Variants in MARCHF1 observed in about 807,000 individuals in gnomAD.
The protein encoded by MARCHF1 is membrane associated ring-CH-type finger 1, also known as E3 ubiquitin-protein ligase MARCHF1.
In MARCHF1, 40 loss-of-function variants were observed where a neutral mutation model predicts 54.2. The observed-to-expected ratio is 0.74, with a 90% confidence interval of 0.57 to 0.96. MARCHF1 has a LOEUF of 0.96. MARCHF1 is among the 40% of genes least tolerant of loss of function. The pLI is 0.00. For missense variants in MARCHF1, 586 were observed against 656.5 expected (o/e 0.89, Z 1.17); for synonymous variants, 236 against 236.3 (o/e 1.00, Z 0.01).
In MARCHF1 at chr4:163,864,740, C is replaced by A. The variant is rs935152548; in HGVS notation, c.-38-10571G>T. ...ATTTTCAGGTCGGTGAAAACTACAT[C>A]TTATTTCAATATACAGTTCTAAGCC... On this transcript the variant is annotated intron_variant, in intron 3 of 9. Transcript: ENST00000514618. Among the ~76,000 whole-genome samples the A allele has an allele frequency of 2.0e-5, 3 of 151,820 alleles. No individual in the cohort carries two copies. In the East Asian group the frequency reaches 5.8e-4, roughly 29 times the overall value.
At chr4:164,284,844 G>A (rs780453513) in intron 1 of MARCHF1, among the ~76,000 whole-genome samples, 3 of 151,056 alleles carry the variant, frequency 2.0e-5, no homozygotes, top group Non-Finnish European at 4.4e-5. Flanking sequence ...GATACAACAT[G>A]AAAAAATTAG....
intron 2 of MARCHF1, among the ~76,000 whole-genome samples, chr4:164,098,474 A>G (rs1755463233): frequency 6.6e-6 from 1 of 152,198 alleles, no homozygotes; most frequent in South Asian, 2.1e-4. Context: ...TCAAGGAGAC[A>G]GTTTAATTCT....
chr4:163,943,844 A>T (rs1751968346), intron 3 of MARCHF1, among the ~76,000 whole-genome samples: 1 of 151,998 alleles, frequency 6.6e-6, no homozygotes, highest in Non-Finnish European at 1.5e-5. Context: ...GTGGCTACAA[A>T]CAAGATTCAC....
chr4:163,881,240 C>T (rs999812368), intron 3 of MARCHF1, among the ~76,000 whole-genome samples: 1 of 152,004 alleles, frequency 6.6e-6, no homozygotes, highest in African/African-American at 2.4e-5. Context: ...TTTGGGAGGC[C>T]GAGGCGGGCG....
intron 7 of MARCHF1, among the ~76,000 whole-genome samples, chr4:163,590,959 A>G (rs13116247): frequency 0.44 from 66,276 of 151,436 alleles, 14,605 homozygotes; most frequent in East Asian, 0.51. Context: ...CTGTGTTTCA[A>G]GTTCATCATC....
chr4:163,859,752 G>A (rs934037942), intron 3 of MARCHF1, among the ~76,000 whole-genome samples: 3 of 152,124 alleles, frequency 2.0e-5, no homozygotes, highest in African/African-American at 7.2e-5. Flanking sequence ...TTCTAGGTAG[G>A]TAACTTTGGA....
intron 2 of MARCHF1, among the ~76,000 whole-genome samples, chr4:164,044,732 T>C (rs1039484226): frequency 3.9e-5 from 6 of 152,066 alleles, no homozygotes; most frequent in Non-Finnish European, 5.9e-5. Context: ...TCTATAGTGT[T>C]TATATATATG....
intron 4 of MARCHF1, among the ~76,000 whole-genome samples, chr4:163,729,253 A>G (rs1745758169): frequency 6.6e-6 from 1 of 151,994 alleles, no homozygotes; most frequent in African/African-American, 2.4e-5. Context: ...TTTTGTTTCA[A>G]TGCCTTTATC....
At chr4:163,721,773 CA>C (rs1561039377) in intron 4 of MARCHF1, among the ~76,000 whole-genome samples, 2 of 152,096 alleles carry the variant, frequency 1.3e-5, no homozygotes, top group Non-Finnish European at 2.9e-5. Context: ...TGTATGTGTC[CA>C]GGAATTTATC....
At chr4:163,908,599 T>C (rs3890761) in intron 3 of MARCHF1, among the ~76,000 whole-genome samples, 31,990 of 152,032 alleles carry the variant, frequency 0.21, 3,608 homozygotes, top group South Asian at 0.33. Flanking sequence ...GTAGATTAGA[T>C]GATGGGAATT....
intron 3 of MARCHF1, among the ~76,000 whole-genome samples, chr4:163,977,518 T>C (rs1181391632): frequency 2.0e-5 from 3 of 152,210 alleles, no homozygotes; most frequent in East Asian, 1.9e-4. Flanking sequence ...AAGAGGCTTT[T>C]TCTTAGGCCA....
At chr4:163,966,725 G>A (rs1181703625) in intron 3 of MARCHF1, among the ~76,000 whole-genome samples, 1 of 152,048 alleles carries the variant, frequency 6.6e-6, no homozygotes, top group Non-Finnish European at 1.5e-5. Context: ...AAGGAAATGA[G>A]GCTTTAGTGA....
chr4:163,668,473 C>G (rs893216613), intron 5 of MARCHF1, among the ~76,000 whole-genome samples: 2 of 152,072 alleles, frequency 1.3e-5, no homozygotes, highest in Non-Finnish European at 2.9e-5. Context: ...AAGAATGACT[C>G]ATTCTAAGAA....
intron 2 of MARCHF1, among the ~76,000 whole-genome samples, chr4:164,040,594 G>A (rs556729401): frequency 6.6e-6 from 1 of 151,510 alleles, no homozygotes; most frequent in Non-Finnish European, 1.5e-5. Context: ...TGTGTTGATG[G>A]TTAATAAGTA....
intron 5 of MARCHF1, among the ~76,000 whole-genome samples, chr4:163,616,621 T>C (rs969906779): frequency 3.3e-5 from 5 of 152,076 alleles, no homozygotes; most frequent in Non-Finnish European, 7.4e-5. Flanking sequence ...GGTGCATGCC[T>C]GTAGTCCGAG....
chr4:164,293,459 A>T (rs1466495649), intron 1 of MARCHF1, among the ~76,000 whole-genome samples: 3 of 152,164 alleles, frequency 2.0e-5, no homozygotes, highest in Non-Finnish European at 1.5e-5. Flanking sequence ...CTGCCTCCCC[A>T]TGTTGCTGGA....
At chr4:163,842,847 G>GT (rs1749379923) in intron 4 of MARCHF1, among the ~76,000 whole-genome samples, 1 of 152,062 alleles carries the variant, frequency 6.6e-6, no homozygotes, top group African/African-American at 2.4e-5. Flanking sequence ...ATTGTTTTCT[G>GT]TTTTTTATCC....
At chr4:163,744,148 T>A (rs77642526) in intron 4 of MARCHF1, among the ~76,000 whole-genome samples, 2 of 152,346 alleles carry the variant, frequency 1.3e-5, no homozygotes, top group Non-Finnish European at 2.9e-5. Context: ...ACAGGGACAG[T>A]GATCAATTTA....
chr4:163,778,930 A>T (rs181941472), intron 4 of MARCHF1, among the ~76,000 whole-genome samples: 12 of 152,172 alleles, frequency 7.9e-5, no homozygotes, highest in African/African-American at 2.9e-4. Flanking sequence ...CTCCACCACT[A>T]TGAAATTTGT....
Sources: allele counts gnomAD v4.1 joint callset (sites outside exome capture counted in the v4.1 genomes callset), GRCh38; gene constraint gnomAD v4.1.1; transcripts MANE v1.5; gene names NCBI Gene and HGNC (gene_info 2026-07-23, HGNC 2026-07-21).